SNTG1: variants seen among roughly 807,000 people sequenced by gnomAD.
SNTG1 encodes syntrophin gamma 1.
In SNTG1, 39 loss-of-function variants were observed where a neutral mutation model predicts 74.7. That is an observed-to-expected ratio of 0.52 (90% confidence interval 0.40 to 0.68). The LOEUF (loss-of-function observed/expected upper bound fraction) is 0.68. Ranked by LOEUF, SNTG1 falls within the 30% of genes least tolerant of loss-of-function variation. SNTG1 has a pLI of 0.00. For synonymous variants in SNTG1, 254 were observed against 217.1 expected, an observed-to-expected ratio of 1.17 and a Z score of -1.49; for missense variants, 685 against 609.5, an observed-to-expected ratio of 1.12 and a Z score of -1.30.
At chr8:49,995,142 T>C (rs1182298734) in intron 1 of SNTG1, among the ~76,000 whole-genome samples, 2 of 151,364 alleles carry the variant, frequency 1.3e-5, no homozygotes, top group African/African-American at 4.9e-5. Context: ...TGAACAGAGG[T>C]TTCAAAAATT....
chr8:50,257,088 G>A (rs913013504), intron 2 of SNTG1, among the ~76,000 whole-genome samples: 2 of 151,786 alleles, frequency 1.3e-5, no homozygotes, highest in Non-Finnish European at 2.9e-5. Context: ...CCCACCAGCA[G>A]AAGCACACCC....
chr8:50,333,441 A>T (rs78063531), intron 2 of SNTG1, among the ~76,000 whole-genome samples: 1 of 152,194 alleles, frequency 6.6e-6, no homozygotes, highest in East Asian at 1.9e-4. Flanking sequence ...ATTAGCCACA[A>T]TTTGATCATC....
intron 1 of SNTG1, among the ~76,000 whole-genome samples, chr8:49,971,299 T>G (rs1167174808): frequency 6.6e-6 from 1 of 152,174 alleles, no homozygotes; most frequent in Non-Finnish European, 1.5e-5. Context: ...AGAAAAGGCC[T>G]TTGAAAAATT....
At chr8:50,537,648 T>A (rs924382226) in intron 11 of SNTG1, among the ~76,000 whole-genome samples, 4 of 152,128 alleles carry the variant, frequency 2.6e-5, no homozygotes, top group Non-Finnish European at 5.9e-5. Context: ...ATTGTTTCCA[T>A]TTCTTAAGTT....
At chr8:50,504,747 G>T (rs2093992188) in intron 9 of SNTG1, among the ~76,000 whole-genome samples, 1 of 152,266 alleles carries the variant, frequency 6.6e-6, no homozygotes, top group African/African-American at 2.4e-5. Flanking sequence ...GATGCAGTGA[G>T]CTGAGTAAGA....
chr8:49,957,531 T>A (rs866486428), intron 1 of SNTG1, among the ~76,000 whole-genome samples: 1 of 151,968 alleles, frequency 6.6e-6, no homozygotes, highest in African/African-American at 2.4e-5. Context: ...ACCAGATGAG[T>A]GACAAGCAGG....
At chr8:50,511,073 A>C (rs2094068422) in intron 9 of SNTG1, among the ~76,000 whole-genome samples, 1 of 152,170 alleles carries the variant, frequency 6.6e-6, no homozygotes, top group South Asian at 2.1e-4. Context: ...ATTTCCCTCT[A>C]CACACAGCTT....
intron 15 of SNTG1, among the ~76,000 whole-genome samples, chr8:50,701,615 CTTCG>C (rs1235409431): frequency 3.5e-5 from 5 of 141,238 alleles, no homozygotes; most frequent in South Asian, 2.5e-4. Context: ...TCTTCTTCTT[CTTCG>C]TGTTCCTCTT....
rs184971395 is a variant in SNTG1, at chr8:50,737,206, A to G, written c.1285-14795A>G. Among the ~76,000 whole-genome samples the G allele has an allele frequency of 7.6e-4, 116 of 152,264 alleles. 2 individuals are homozygous for G. Among genetic ancestry groups the G allele is most frequent in the Middle Eastern group, 6.8e-3 (2 of 294 alleles). Reference sequence around the variant, plus strand: ...AAGAGAAAAGAGTGAAATAGAAACAATAAAAAACAATAAAGGGCATATTAC... The same window carrying G: ...AAGAGAAAAGAGTGAAATAGAAACAGTAAAAAACAATAAAGGGCATATTAC... On this transcript the variant is annotated intron_variant, in intron 17 of 18. Transcript: ENST00000642720.
intron 13 of SNTG1, among the ~76,000 whole-genome samples, chr8:50,648,168 C>G (rs2095122580): frequency 6.6e-6 from 1 of 152,048 alleles, no homozygotes; most frequent in Admixed American, 6.6e-5. Flanking sequence ...CTGATAATCC[C>G]ATTTTTATTA....
intron 16 of SNTG1, among the ~76,000 whole-genome samples, chr8:50,705,938 A>G (rs901968724): frequency 6.6e-6 from 1 of 152,240 alleles, no homozygotes; most frequent in African/African-American, 2.4e-5. Flanking sequence ...ACACACATGG[A>G]CACTTAATTT....
chr8:50,068,065 T>C (rs962031883), intron 1 of SNTG1, among the ~76,000 whole-genome samples: 1 of 152,124 alleles, frequency 6.6e-6, no homozygotes, highest in Non-Finnish European at 1.5e-5. Context: ...TCTGAGGGTC[T>C]CCTATGAAGA....
chr8:50,665,325 A>G (rs911361637), intron 15 of SNTG1, among the ~76,000 whole-genome samples: 3 of 152,148 alleles, frequency 2.0e-5, no homozygotes, highest in African/African-American at 7.2e-5. Flanking sequence ...ATAAATACAG[A>G]AAGAAAGAAG....
chr8:50,750,826 G>T (rs904910593), intron 17 of SNTG1, among the ~76,000 whole-genome samples: 3 of 151,910 alleles, frequency 2.0e-5, no homozygotes, highest in African/African-American at 7.3e-5. Context: ...AACAATTTCT[G>T]TGACTCACTT....
intron 1 of SNTG1, among the ~76,000 whole-genome samples, chr8:50,079,128 C>G (rs559202568): frequency 1.3e-5 from 2 of 152,148 alleles, no homozygotes; most frequent in South Asian, 4.1e-4. Flanking sequence ...CTTGAGGAAT[C>G]GCCACACTAT....
At position 50,704,688 on chromosome 8, in the gene SNTG1, G is replaced by C. The variant is rs368294611; in HGVS notation, c.1127G>C (p.Ser376Thr). 2.5e-6 allele frequency: 4 copies of C among 1,614,050 alleles called. No individual in the cohort carries two copies. The African/African-American group carries it at 5.3e-5, about 22-fold the overall frequency. The change falls in exon 16 of 19, where the codon AGT (serine) becomes ACT (threonine). Residue 376 changes from serine to threonine, a missense_variant. Transcript: ENST00000642720. ...CTGTACTTCTCAGTGGAGCTGGAAA[G>C]TGACCTCGCCCAGTGGGAAAGAGCC... ...EDLYFSVELESDLAQWERAFQ... is the reference protein window; with the variant it reads ...EDLYFSVELETDLAQWERAFQ...
chr8:50,490,236 A>T (rs1324981335), intron 8 of SNTG1, among the ~76,000 whole-genome samples: 2 of 152,142 alleles, frequency 1.3e-5, no homozygotes, highest in Non-Finnish European at 2.9e-5. Flanking sequence ...TTTGCTCAGG[A>T]TCGCTTTGGC....
intron 2 of SNTG1, among the ~76,000 whole-genome samples, chr8:50,329,398 T>C (rs2090873677): frequency 6.6e-6 from 1 of 152,200 alleles, no homozygotes. Flanking sequence ...GACTTCTGCC[T>C]GGACATCCGC....
At chr8:50,099,891 T>C (rs777160801) in intron 1 of SNTG1, among the ~76,000 whole-genome samples, 6 of 152,134 alleles carry the variant, frequency 3.9e-5, no homozygotes, top group Non-Finnish European at 4.4e-5. Context: ...AATTCCTTGT[T>C]GGATGAAAGA....
Sources: gnomAD v4.1 joint callset for allele counts (sites outside exome capture counted in the v4.1 genomes callset) on GRCh38, gnomAD v4.1.1 for gene constraint, MANE v1.5 for transcripts, NCBI Gene and HGNC (gene_info 2026-07-23, HGNC 2026-07-21) for gene names.